SLC47A2: variants seen among roughly 807,000 people sequenced by gnomAD.
SLC47A2 encodes multidrug and toxin extrusion protein 2.
SLC47A2 carries 52 observed loss-of-function variants against 67.7 expected under a neutral mutation model. The observed-to-expected ratio is 0.77, with a 90% CI of 0.61 to 0.97. The LOEUF is 0.97. SLC47A2 is among the 50% of genes least tolerant of loss of function. SLC47A2 has a pLI of 0.00. For synonymous variants in SLC47A2, 278 were observed against 292.9 expected, an observed-to-expected ratio of 0.95 and a Z score of 0.52; for missense variants, 676 against 712.3, an observed-to-expected ratio of 0.95 and a Z score of 0.58.
intron 13 of SLC47A2, among the ~76,000 whole-genome samples, chr17:19,695,670 A>G (rs1242667932): frequency 2.0e-5 from 3 of 152,104 alleles, no homozygotes; most frequent in Non-Finnish European, 4.4e-5. Context: ...GAACTCTTAT[A>G]ACTAATAATA....
intron 4 of SLC47A2, among the ~76,000 whole-genome samples, chr17:19,713,266 T>C (rs1441789929): frequency 1.3e-5 from 2 of 152,036 alleles, no homozygotes; most frequent in Non-Finnish European, 2.9e-5. Flanking sequence ...CACGTGCCTG[T>C]AGTCCCAGCT....
In SLC47A2 at chr17:19,687,302, G is replaced by A. The variant is rs74893002; in HGVS notation, c.1165-5632C>T. Among the ~76,000 whole-genome samples the A allele has an allele frequency of 6.7e-3, 1,016 of 152,182 alleles. 4 individuals are homozygous for A. The highest frequency in any genetic ancestry group is 0.026 in the East Asian group (136 of 5,180). ...ATACAATGAAAGCAGTACTAAGAGA[G>A]TTTATAGGAATAAACACCTACGTCA... is the stretch of plus-strand genomic sequence containing the variant. On this transcript the variant is annotated intron_variant, in intron 13 of 16. Transcript: ENST00000433844.
At chr17:19,679,158 G>A (rs537119054) in intron 16 of SLC47A2, among the ~76,000 whole-genome samples, 6 of 152,208 alleles carry the variant, frequency 3.9e-5, no homozygotes, top group Non-Finnish European at 8.8e-5. Flanking sequence ...CTCATGAGGA[G>A]TGTTCTTGTC....
chr17:19,707,618 C>T (rs1420496534), intron 8 of SLC47A2, 128 bp downstream of exon 8: 26 of 718,022 alleles, frequency 3.6e-5, no homozygotes, highest in African/African-American at 8.9e-5. Flanking sequence ...AGGAGGGGGC[C>T]GTGCAGGGTC....
At chr17:19,706,957 A>C (rs1262969006) in intron 8 of SLC47A2, among the ~76,000 whole-genome samples, 196 bp from the exon 9 acceptor site, 1 of 152,164 alleles carries the variant, frequency 6.6e-6, no homozygotes, top group East Asian at 1.9e-4. Flanking sequence ...AGGAGGATGC[A>C]GGAACAGGGC....
intron 13 of SLC47A2, among the ~76,000 whole-genome samples, chr17:19,686,711 T>TA (rs562312720): frequency 1.2e-3 from 190 of 152,308 alleles, no homozygotes; most frequent in African/African-American, 4.4e-3. Context: ...GGTCATTGTA[T>TA]AACGATAAAG....
rs2085907058 is a variant in SLC47A2, at chr17:19,705,477, CAG to C, written c.866_867del (p.Ser289CysfsTer75). The C allele has an allele frequency of 6.2e-7, 1 of 1,611,384 alleles. No homozygotes were observed. The highest frequency in any genetic ancestry group is 1.3e-5 in the African/African-American group (1 of 74,856). On this transcript the variant is annotated frameshift_variant, in exon 10 of 17. Coordinates refer to ENST00000433844, the MANE Select transcript of SLC47A2 (RefSeq NM_001099646.3). LOFTEE classifies it high-confidence loss of function. ...GCCACCTCGTAGATGACAGCCTGGG[CAG>C]AGAGATCCACCACACTGAGCAGCCC... is the stretch of plus-strand genomic sequence containing the variant. ...LMGLLSVVDL[S>X]AQAVIYEVAT...
chr17:19,710,182 C>A (rs2086057164), intron 5 of SLC47A2, among the ~76,000 whole-genome samples: 1 of 152,108 alleles, frequency 6.6e-6, no homozygotes, highest in South Asian at 2.1e-4. Context: ...CACAGAACTG[C>A]CAGTCGTAAC....
intron 13 of SLC47A2, among the ~76,000 whole-genome samples, chr17:19,693,141 G>GC (rs1029230634): frequency 4.6e-5 from 7 of 151,562 alleles, no homozygotes; most frequent in African/African-American, 1.7e-4. Context: ...AAAAAAAAGA[G>GC]GTTTATCCCA....
In SLC47A2 at chr17:19,702,659, C is replaced by A; in HGVS notation, c.1110G>T (p.Leu370=). ...IFTNDEDVIA[L]VSQVLPVYSV... ...TATAAACCGGCAAGACCTGGCTCAC[C>A]AGGGCAATGACATCTCTGCAGAAGA... The change falls in exon 13 of 17, where the codon CTG becomes CTT. Residue 370 remains leucine, a synonymous_variant. Coordinates refer to ENST00000433844, the MANE Select transcript of SLC47A2 (RefSeq NM_001099646.3). 1 of 1,613,928 alleles carries A rather than the reference C, an allele frequency of 6.2e-7. No homozygotes were observed. Among genetic ancestry groups the A allele is most frequent in the Non-Finnish European group, 8.5e-7 (1 of 1,179,978 alleles).
chr17:19,698,882 A>T (rs1252453586), intron 13 of SLC47A2, among the ~76,000 whole-genome samples: 1 of 152,234 alleles, frequency 6.6e-6, no homozygotes, highest in Non-Finnish European at 1.5e-5. Flanking sequence ...ACAGCATAGC[A>T]ACTGTTACAT....
At chr17:19,682,246 T>A (rs773160515) in intron 13 of SLC47A2, among the ~76,000 whole-genome samples, 1 of 151,524 alleles carries the variant, frequency 6.6e-6, no homozygotes, top group East Asian at 1.9e-4. Context: ...TAATCCCAGC[T>A]ACTTGGGAGG....
intron 5 of SLC47A2, among the ~76,000 whole-genome samples, chr17:19,711,427 A>C (rs540020451): frequency 6.6e-6 from 1 of 151,546 alleles, no homozygotes; most frequent in East Asian, 2.0e-4. Context: ...CCCTGTCACT[A>C]CTAAAAATAC....
intron 2 of SLC47A2, 144 bp downstream of exon 2, chr17:19,714,972 G>A (rs1035716775): frequency 3.2e-6 from 4 of 1,250,372 alleles, no homozygotes; most frequent in Non-Finnish European, 3.4e-6. Flanking sequence ...CGGCCCTCAG[G>A]TTCCACCTGT....
chr17:19,714,825 A>C (rs1299289553), intron 2 of SLC47A2, 36 bp from the exon 3 acceptor site: 1 of 1,613,614 alleles, frequency 6.2e-7, no homozygotes, highest in Non-Finnish European at 8.5e-7. Flanking sequence ...AGAGCTTGTC[A>C]GGTGAGGCCT....
At position 19,681,310 on chromosome 17, in the gene SLC47A2, C is replaced by T. The variant is rs912302263; in HGVS notation, c.1392+57G>A. The T allele has an allele frequency of 9.7e-6, 14 of 1,438,786 alleles. No homozygotes were observed. In the South Asian group the frequency reaches 1.7e-4, roughly 18 times the overall value. 89.1% of individuals were successfully genotyped at this position (1,438,786 alleles called of 1,614,324 possible). On this transcript the variant is annotated intron_variant, in intron 15 of 16. Coordinates refer to ENST00000433844, the MANE Select transcript of SLC47A2 (RefSeq NM_001099646.3). ...GGCATTTCTGGCTGAGTAGTCACTC[C>T]ACCTGCTGGGGTCAGGTGCAGGGTG...
intron 13 of SLC47A2, among the ~76,000 whole-genome samples, chr17:19,692,538 T>C (rs1257461033): frequency 6.6e-6 from 1 of 152,200 alleles, no homozygotes; most frequent in Non-Finnish European, 1.5e-5. Context: ...TAGATTGAAT[T>C]TATAATTTAA....
chr17:19,699,512 C>T (rs948844569), intron 13 of SLC47A2, among the ~76,000 whole-genome samples: 5 of 151,888 alleles, frequency 3.3e-5, no homozygotes, highest in Non-Finnish European at 4.4e-5. Flanking sequence ...TCCCAAGTAG[C>T]GAAGACTATA....
Position 19,706,671 on chromosome 17 carries a change from T to C in SLC47A2, c.818A>G (p.Tyr273Cys), listed in dbSNP as rs373244724. ...MLMICVEWWA[Y>C]EIGSFLMGLL... ...ACCCATGAGGAAGCTCCCGATCTCATAGGCCCACCACTCAACACAGATCAT... is the reference window on the plus strand; with the variant it reads ...ACCCATGAGGAAGCTCCCGATCTCACAGGCCCACCACTCAACACAGATCAT... The change falls in exon 9 of 17, where the codon TAT becomes TGT. Residue 273 changes from tyrosine (Y) to cysteine (C), a missense_variant. Transcript: ENST00000433844. The C allele has an allele frequency of 1.5e-5, 24 of 1,606,848 alleles. No homozygotes were observed. The African/African-American group carries it at 2.6e-4, about 17-fold the overall frequency.
Sources: allele counts gnomAD v4.1 joint callset (sites outside exome capture counted in the v4.1 genomes callset), GRCh38; gene constraint gnomAD v4.1.1; transcripts MANE v1.5; gene names NCBI Gene and HGNC (gene_info 2026-07-23, HGNC 2026-07-21).